PPP2R2B: variants seen among roughly 807,000 people sequenced by gnomAD.
The protein encoded by PPP2R2B is serine/threonine-protein phosphatase 2A 55 kDa regulatory subunit B beta isoform.
A neutral mutation model predicts 46.0 loss-of-function variants in PPP2R2B; 5 were observed. That is an observed-to-expected ratio of 0.11 (90% CI 0.06 to 0.23). The LOEUF is 0.23. Ranked by LOEUF, PPP2R2B falls within the 10% of genes least tolerant of loss-of-function variation. The pLI is 1.00. For synonymous variants in PPP2R2B, 215 were observed against 206.7 expected (o/e 1.04, Z -0.34); for missense variants, 367 against 575.0 (o/e 0.64, Z 3.70).
At chr5:146,944,774 A>C (rs1458145543) in intron 1 of PPP2R2B, among the ~76,000 whole-genome samples, 3 of 152,074 alleles carry the variant, frequency 2.0e-5, no homozygotes, top group African/African-American at 4.8e-5. Flanking sequence ...CAACCTTTAA[A>C]ACAATTTATT....
intron 5 of PPP2R2B, among the ~76,000 whole-genome samples, chr5:146,661,460 A>G (rs1776663082): frequency 6.6e-6 from 1 of 152,086 alleles, no homozygotes; most frequent in Non-Finnish European, 1.5e-5. Context: ...ATATACATAA[A>G]TATATAAAAT....
At chr5:146,899,720 T>C (rs1630123) in intron 1 of PPP2R2B, among the ~76,000 whole-genome samples, 31,922 of 152,078 alleles carry the variant, frequency 0.21, 4,422 homozygotes, top group African/African-American at 0.38. Flanking sequence ...ATCCAATTAA[T>C]AGAAGTATCA....
At chr5:146,909,135 A>G (rs1268183261) in intron 1 of PPP2R2B, among the ~76,000 whole-genome samples, 2 of 152,128 alleles carry the variant, frequency 1.3e-5, no homozygotes, top group Non-Finnish European at 2.9e-5. Flanking sequence ...AGTGACCTTG[A>G]CTGTTTCTGA....
At chr5:146,700,333 G>T (rs752345153) in intron 3 of PPP2R2B, among the ~76,000 whole-genome samples, 15 of 152,002 alleles carry the variant, frequency 9.9e-5, no homozygotes, top group Non-Finnish European at 1.3e-4. Flanking sequence ...AATCAAATTG[G>T]GCCATAATTC....
intron 2 of PPP2R2B, among the ~76,000 whole-genome samples, chr5:146,792,285 A>G (rs146803404): frequency 1.7e-4 from 26 of 152,342 alleles, no homozygotes; most frequent in Non-Finnish European, 3.2e-4. Context: ...ACTGGCCAAT[A>G]CAGTGACAAA....
chr5:146,834,640 T>C (rs1759163623), intron 2 of PPP2R2B, among the ~76,000 whole-genome samples: 1 of 152,164 alleles, frequency 6.6e-6, no homozygotes, highest in Admixed American at 6.5e-5. Flanking sequence ...TGTTTTGTTG[T>C]TTTTTTCTTT....
intron 1 of PPP2R2B, among the ~76,000 whole-genome samples, chr5:146,976,599 AT>A (rs1752918266): frequency 6.6e-6 from 1 of 152,148 alleles, no homozygotes; most frequent in South Asian, 2.1e-4. Flanking sequence ...CTTTCTATCA[AT>A]TTGTAACATT....
At chr5:146,666,634 A>G (rs1450153342) in intron 5 of PPP2R2B, among the ~76,000 whole-genome samples, 1 of 152,216 alleles carries the variant, frequency 6.6e-6, no homozygotes, top group Non-Finnish European at 1.5e-5. Flanking sequence ...ACTTGAGGAC[A>G]GCTCTCAACC....
chr5:146,792,939 T>G (rs1329064544), intron 2 of PPP2R2B, among the ~76,000 whole-genome samples: 1 of 152,192 alleles, frequency 6.6e-6, no homozygotes, highest in Non-Finnish European at 1.5e-5. Flanking sequence ...TGACATGATC[T>G]GACCTAATTT....
intron 1 of PPP2R2B, among the ~76,000 whole-genome samples, chr5:146,977,776 T>C (rs965548551): frequency 1.3e-5 from 2 of 152,210 alleles, no homozygotes; most frequent in African/African-American, 4.8e-5. Context: ...AGTCTACTGT[T>C]GATGGGCATT....
intron 2 of PPP2R2B, among the ~76,000 whole-genome samples, chr5:146,809,138 T>C (rs994515596): frequency 6.6e-6 from 1 of 152,116 alleles, no homozygotes; most frequent in Non-Finnish European, 1.5e-5. Context: ...CTTTCTCTAG[T>C]AGACCTGCTG....
chr5:146,617,274 G>A (rs550973002), intron 7 of PPP2R2B, among the ~76,000 whole-genome samples: 52 of 152,232 alleles, frequency 3.4e-4, no homozygotes, highest in African/African-American at 1.2e-3. Context: ...AAAATAGAAA[G>A]GATGAATAAG....
chr5:146,677,123 T>C (rs552939993), intron 5 of PPP2R2B, among the ~76,000 whole-genome samples: 19 of 152,220 alleles, frequency 1.2e-4, no homozygotes, highest in Non-Finnish European at 2.6e-4. Flanking sequence ...TCTTTGAATT[T>C]GGAGAGCCTA....
At position 146,840,967 on chromosome 5, in the gene PPP2R2B, G is replaced by A. The variant is rs149070684; in HGVS notation, c.70+37035C>T. ...CAAAGAGATGAAACAAGACAAATAT[G>A]TATTAAACATTAGTGGCCAATATGC... On this transcript the variant is annotated intron_variant, in intron 2 of 9. Coordinates refer to ENST00000394411, the MANE Select transcript of PPP2R2B (RefSeq NM_181675.4). Among the ~76,000 whole-genome samples, 329 of 152,214 alleles carry A rather than the reference G, an allele frequency of 2.2e-3. 1 individual carries two copies. The highest frequency in any genetic ancestry group is 7.5e-3 in the African/African-American group (313 of 41,538).
chr5:146,684,940 C>G (rs1778396639), intron 5 of PPP2R2B, among the ~76,000 whole-genome samples: 1 of 152,156 alleles, frequency 6.6e-6, no homozygotes, highest in African/African-American at 2.4e-5. Flanking sequence ...GACCATGAGG[C>G]ACACAGTCAT....
chr5:146,916,293 G>A (rs963699301), intron 1 of PPP2R2B, among the ~76,000 whole-genome samples: 5 of 141,974 alleles, frequency 3.5e-5, no homozygotes, highest in East Asian at 2.0e-4. Context: ...TGTTACCACC[G>A]TTTTTTTTTT....
intron 1 of PPP2R2B, among the ~76,000 whole-genome samples, chr5:146,976,977 T>C (rs1016498208): frequency 6.6e-6 from 1 of 152,186 alleles, no homozygotes; most frequent in African/African-American, 2.4e-5. Flanking sequence ...GTTTCTCCTG[T>C]AGTATAGCCC....
Position 146,852,771 on chromosome 5 carries a change from T to C in PPP2R2B, c.70+25231A>G, listed in dbSNP as rs933366179. On this transcript the variant is annotated intron_variant, in intron 2 of 9. Coordinates refer to ENST00000394411, the MANE Select transcript of PPP2R2B (RefSeq NM_181675.4). ...CTAAGTTCACAATACGATGGCTGAT[T>C]AGAGTACAGATAAATGCAGGGAGCA... Among the ~76,000 whole-genome samples, 6 of 152,206 alleles carry C rather than the reference T, an allele frequency of 3.9e-5. No individual in the cohort carries two copies. In the South Asian group the frequency reaches 1.2e-3, roughly 32 times the overall value.
Position 146,584,323 on chromosome 5 carries a change from T to C in PPP2R2B, c.*5624A>G, listed in dbSNP as rs550218790. On this transcript the variant is annotated 3_prime_UTR_variant, in exon 10 of 10. Coordinates refer to ENST00000394411, the MANE Select transcript of PPP2R2B (RefSeq NM_181675.4). Reference sequence around the variant, plus strand: ...GTCATAATAAGGTCAAAGTCAGAAGTTGGAGACCTGTGAGCCACTTGACTT... The same window carrying C: ...GTCATAATAAGGTCAAAGTCAGAAGCTGGAGACCTGTGAGCCACTTGACTT... 2.6e-5 allele frequency: 4 copies of C among 152,334 alleles called. No homozygotes were observed. Among genetic ancestry groups the C allele is most frequent in the African/African-American group, 9.6e-5 (4 of 41,574 alleles). The allele number at this position is 152,334 out of a possible 1,614,324, so 9.4% of individuals were successfully genotyped here. A position where few individuals can be genotyped will look rare whatever the true frequency, so the allele number is the denominator to read the frequency against.
Sources: allele counts gnomAD v4.1 joint callset (sites outside exome capture counted in the v4.1 genomes callset), GRCh38; gene constraint gnomAD v4.1.1; transcripts MANE v1.5; gene names NCBI Gene and HGNC (gene_info 2026-07-23, HGNC 2026-07-21).